RHOJ: variants seen among roughly 807,000 people sequenced by gnomAD.
The protein encoded by RHOJ is ras homolog family member J.
A neutral mutation model predicts 23.4 loss-of-function variants in RHOJ; 11 were observed. The ratio of observed to expected loss-of-function variants is 0.47; its 90% CI spans 0.30 to 0.78. RHOJ has a LOEUF of 0.78. Ranked by LOEUF, RHOJ falls within the 30% of genes least tolerant of loss-of-function variation. The pLI is 0.08. For missense variants in RHOJ, 254 were observed against 273.4 expected, an observed-to-expected ratio of 0.93 and a Z score of 0.50; for synonymous variants, 102 against 102.7, an observed-to-expected ratio of 0.99 and a Z score of 0.04.
intron 1 of RHOJ, among the ~76,000 whole-genome samples, chr14:63,236,747 A>AC: frequency 7.1e-6 from 1 of 140,808 alleles, no homozygotes; most frequent in African/African-American, 2.9e-5. Context: ...AAGAGGCTTG[A>AC]AACACACACA....
At chr14:63,273,032 AAGAG>A (rs1397612862) in intron 2 of RHOJ, among the ~76,000 whole-genome samples, 1 of 152,168 alleles carries the variant, frequency 6.6e-6, no homozygotes, top group African/African-American at 2.4e-5. Flanking sequence ...TCAAAAAAGA[AAGAG>A]AGTTTATAAT....
intron 1 of RHOJ, among the ~76,000 whole-genome samples, chr14:63,268,603 A>G (rs1310317806): frequency 6.6e-6 from 1 of 152,234 alleles, no homozygotes; most frequent in Non-Finnish European, 1.5e-5. Context: ...GCCTTGCTTT[A>G]TAGGCTATAA....
intron 2 of RHOJ, among the ~76,000 whole-genome samples, chr14:63,274,831 C>G (rs563482992): frequency 2.6e-5 from 4 of 152,272 alleles, no homozygotes; most frequent in African/African-American, 9.6e-5. Flanking sequence ...TATGCACGCA[C>G]ACTATACATG....
chr14:63,228,943 C>G (rs1894642530), intron 1 of RHOJ, among the ~76,000 whole-genome samples: 2 of 152,186 alleles, frequency 1.3e-5, no homozygotes, highest in Admixed American at 6.5e-5. Context: ...CCTACATGCT[C>G]TCATAGCTCC....
At chr14:63,239,300 C>T (rs564839459) in intron 1 of RHOJ, among the ~76,000 whole-genome samples, 12 of 152,106 alleles carry the variant, frequency 7.9e-5, no homozygotes, top group African/African-American at 2.2e-4. Context: ...TTAATAGAGA[C>T]GGGGTTTCGC....
chr14:63,285,526 G>T (rs1213551868), intron 4 of RHOJ, among the ~76,000 whole-genome samples: 1 of 151,834 alleles, frequency 6.6e-6, no homozygotes, highest in African/African-American at 2.4e-5. Context: ...GGTCTCAAAG[G>T]GTGTTTTATT....
chr14:63,283,286 G>A, intron 4 of RHOJ, 70 bp downstream of exon 4: 1 of 1,272,660 alleles, frequency 7.9e-7, no homozygotes, highest in Non-Finnish European at 1.1e-6. Context: ...TTTGGAAATG[G>A]GTGTGCAACA....
intron 1 of RHOJ, among the ~76,000 whole-genome samples, chr14:63,225,463 C>T (rs191912075): frequency 2.1e-3 from 313 of 152,284 alleles, no homozygotes; most frequent in Admixed American, 3.4e-3. Flanking sequence ...CTCTCAAATG[C>T]GTACTGAGAG....
rs1462510122 is a variant in RHOJ, at chr14:63,292,551, GT to G, written c.*1528del. On this transcript the variant is annotated 3_prime_UTR_variant, in exon 5 of 5. Coordinates refer to ENST00000316754, the MANE Select transcript of RHOJ (RefSeq NM_020663.5). ...AGTTGCATGAGCAAAGTGCTTCTTA[GT>G]AGTGTGAAATTACAACAACTTTAAG... 2 of 152,108 alleles carry G rather than the reference GT, an allele frequency of 1.3e-5. No individual in the cohort carries two copies. Among genetic ancestry groups the G allele is most frequent in the Non-Finnish European group, 2.9e-5 (2 of 68,024 alleles). 9.4% of individuals were successfully genotyped at this position (152,108 alleles called of 1,614,324 possible).
At position 63,248,352 on chromosome 14, in the gene RHOJ, A is replaced by G. The variant is rs571588777; in HGVS notation, c.179-20758A>G. Among the ~76,000 whole-genome samples, 22 of 152,330 alleles carry G rather than the reference A, an allele frequency of 1.4e-4. No individual in the cohort carries two copies. The East Asian group carries it at 1.5e-3, about 11-fold the overall frequency. On this transcript the variant is annotated intron_variant, in intron 1 of 4. Transcript: ENST00000316754. ...CAAGTTTTGGAACTCCTTGACTTAC[A>G]TGCCTTAAATCTGAGTCAGACTTCC...
chr14:63,250,664 A>C (rs1895054016), intron 1 of RHOJ, among the ~76,000 whole-genome samples: 1 of 152,186 alleles, frequency 6.6e-6, no homozygotes, highest in Non-Finnish European at 1.5e-5. Context: ...CTGTGCTTGC[A>C]CACTCAACTT....
At chr14:63,257,497 G>A (rs528948575) in intron 1 of RHOJ, among the ~76,000 whole-genome samples, 1 of 150,198 alleles carries the variant, frequency 6.7e-6, no homozygotes, top group Non-Finnish European at 1.5e-5. Flanking sequence ...GGTCAGGTTA[G>A]GGCAACAATG....
rs1288946310 is a variant in RHOJ, at chr14:63,243,521, G to A, written c.179-25589G>A. On this transcript the variant is annotated intron_variant, in intron 1 of 4. Transcript: ENST00000316754. ...TGCCTGGCTAATTTTTGTATTTTTA[G>A]TAGAGACGGGGTTTCCCCATGTTGG... is the stretch of plus-strand genomic sequence containing the variant. 2.6e-5 allele frequency among the ~76,000 whole-genome samples: 4 copies of A among 152,158 alleles called. No individual in the cohort carries two copies. The East Asian group carries it at 7.7e-4, about 29-fold the overall frequency.
At chr14:63,218,675 A>G (rs1017707447) in intron 1 of RHOJ, among the ~76,000 whole-genome samples, 1 of 152,182 alleles carries the variant, frequency 6.6e-6, no homozygotes, top group African/African-American at 2.4e-5. Flanking sequence ...TACAGATCCA[A>G]TTCCAGTTTC....
chr14:63,247,617 A>G (rs1894999099), intron 1 of RHOJ, among the ~76,000 whole-genome samples: 1 of 152,198 alleles, frequency 6.6e-6, no homozygotes, highest in Non-Finnish European at 1.5e-5. Flanking sequence ...TCTCCTTCTC[A>G]TATTTGAATG....
chr14:63,264,252 C>A (rs907665147), intron 1 of RHOJ, among the ~76,000 whole-genome samples: 1 of 151,936 alleles, frequency 6.6e-6, no homozygotes, highest in African/African-American at 2.4e-5. Context: ...TCAGTTCCCA[C>A]TTATGAGAAC....
intron 1 of RHOJ, among the ~76,000 whole-genome samples, chr14:63,264,407 T>A (rs1895330405): frequency 6.6e-6 from 1 of 152,256 alleles, no homozygotes; most frequent in African/African-American, 2.4e-5. Flanking sequence ...GCTTTCTTTA[T>A]CCAATCCATC....
chr14:63,272,954 C>G (rs1037855231), intron 2 of RHOJ, among the ~76,000 whole-genome samples: 1 of 152,118 alleles, frequency 6.6e-6, no homozygotes, highest in Admixed American at 6.5e-5. Flanking sequence ...ACCTGGGAGG[C>G]GGAGGTAGCA....
chr14:63,215,706 T>C (rs1316705728), intron 1 of RHOJ, among the ~76,000 whole-genome samples: 1 of 152,202 alleles, frequency 6.6e-6, no homozygotes, highest in Non-Finnish European at 1.5e-5. Context: ...GGGCCCACTC[T>C]GATTAAGTTG....
Sources: allele counts gnomAD v4.1 joint callset (sites outside exome capture counted in the v4.1 genomes callset), GRCh38; gene constraint gnomAD v4.1.1; transcripts MANE v1.5; gene names NCBI Gene and HGNC (gene_info 2026-07-23, HGNC 2026-07-21).